The following DAB1 variants were observed in gnomAD, a reference collection of about 807,000 sequenced individuals.
DAB1 encodes disabled homolog 1.
DAB1 carries 15 observed loss-of-function variants against 64.6 expected under a neutral mutation model. The observed-to-expected ratio is 0.23, with a 90% confidence interval of 0.16 to 0.36. The LOEUF (loss-of-function observed/expected upper bound fraction) is 0.36, where lower values mean the gene tolerates loss of function less well. Among genes scored for constraint, DAB1 ranks in the 10% least tolerant of loss-of-function variants. DAB1 has a pLI of 1.00. For missense variants in DAB1, 596 were observed against 706.7 expected, an observed-to-expected ratio of 0.84 and a Z score of 1.78; for synonymous variants, 235 against 251.9, an observed-to-expected ratio of 0.93 and a Z score of 0.64.
At chr1:57,612,786 C>A (rs1645744028) in intron 7 of DAB1, among the ~76,000 whole-genome samples, 1 of 152,076 alleles carries the variant, frequency 6.6e-6, no homozygotes, top group Non-Finnish European at 1.5e-5. Flanking sequence ...ATGAATCCAT[C>A]CCCACCCCCC....
At chr1:57,555,153 G>T (rs546198264) in intron 7 of DAB1, among the ~76,000 whole-genome samples, 81 of 143,890 alleles carry the variant, frequency 5.6e-4, no homozygotes, top group African/African-American at 2.1e-3. Context: ...TCCTCTCTCA[G>T]CCTCCCAAGT....
chr1:58,073,809 A>G (rs1429919599), intron 5 of DAB1, among the ~76,000 whole-genome samples: 3 of 152,302 alleles, frequency 2.0e-5, no homozygotes, highest in African/African-American at 7.2e-5. Flanking sequence ...CAGTGTGTGC[A>G]ATTAACTTAC....
chr1:57,161,202 G>A (rs891680998), intron 2 of DAB1, among the ~76,000 whole-genome samples: 1 of 152,172 alleles, frequency 6.6e-6, no homozygotes, highest in Non-Finnish European at 1.5e-5. Flanking sequence ...AAGCCAGAAA[G>A]TTCGTGCAAT....
At chr1:57,470,325 C>T (rs1370097721) in intron 7 of DAB1, among the ~76,000 whole-genome samples, 5 of 152,194 alleles carry the variant, frequency 3.3e-5, no homozygotes, top group Admixed American at 3.3e-4. Flanking sequence ...CTTTTCACCT[C>T]CAGAATTTTA....
intron 5 of DAB1, chr1:58,048,306 C>T (rs1468903938): frequency 1.7e-6 from 2 of 1,211,536 alleles, no homozygotes; most frequent in Non-Finnish European, 2.4e-6. Flanking sequence ...AAATCTCCCC[C>T]CTTCATGGGT....
intron 3 of DAB1, among the ~76,000 whole-genome samples, chr1:58,470,600 A>G (rs1453603766): frequency 6.6e-6 from 1 of 152,178 alleles, no homozygotes; most frequent in Non-Finnish European, 1.5e-5. Context: ...GCACTGTCTC[A>G]TCACCAAACT....
At chr1:58,118,503 T>TATATATATACATACACACAC (rs1341446315) in intron 5 of DAB1, among the ~76,000 whole-genome samples, 1 of 53,126 alleles carries the variant, frequency 1.9e-5, no homozygotes, top group African/African-American at 1.0e-4. Context: ...TATATATATA[T>TATATATATACATACACACAC]ACACACACAC....
chr1:57,466,547 A>G (rs1229532103), intron 7 of DAB1, among the ~76,000 whole-genome samples: 3 of 152,220 alleles, frequency 2.0e-5, no homozygotes, highest in African/African-American at 7.2e-5. Context: ...AAATTATCAC[A>G]AATTCACCAG....
At chr1:57,004,865 A>G (rs1029274352) in intron 14 of DAB1, among the ~76,000 whole-genome samples, 1 of 150,950 alleles carries the variant, frequency 6.6e-6, no homozygotes, top group African/African-American at 2.5e-5. Context: ...TCTGCACCCC[A>G]GTTCCTTCAT....
chr1:58,197,746 A>G (rs1274892686), intron 4 of DAB1, among the ~76,000 whole-genome samples: 1 of 151,426 alleles, frequency 6.6e-6, no homozygotes, highest in Non-Finnish European at 1.5e-5. Context: ...CATACAAGAA[A>G]AGCATGATCA....
At chr1:57,196,380 ATC>A (rs1287818658) in intron 2 of DAB1, among the ~76,000 whole-genome samples, 1 of 152,158 alleles carries the variant, frequency 6.6e-6, no homozygotes, top group Non-Finnish European at 1.5e-5. Flanking sequence ...TTCTTGGCAA[ATC>A]TCTCTTTTCT....
intron 6 of DAB1, among the ~76,000 whole-genome samples, chr1:57,789,090 G>A (rs937810899): frequency 1.3e-5 from 2 of 152,120 alleles, no homozygotes; most frequent in Non-Finnish European, 2.9e-5. Flanking sequence ...GAAGGATTGA[G>A]AGCTTAGTGC....
intron 4 of DAB1, among the ~76,000 whole-genome samples, chr1:57,126,932 C>A (rs17115105): frequency 0.011 from 1,729 of 152,274 alleles, 29 homozygotes; most frequent in East Asian, 0.057. Context: ...CAGTCCCTTG[C>A]TTTCTATGAC....
At chr1:57,080,872 C>T (rs1469381222) in intron 4 of DAB1, among the ~76,000 whole-genome samples, 3 of 152,076 alleles carry the variant, frequency 2.0e-5, no homozygotes, top group Non-Finnish European at 4.4e-5. Context: ...CGTATAATCA[C>T]AGTTGGTAGC....
At chr1:58,304,279 C>G (rs965540559) in intron 4 of DAB1, among the ~76,000 whole-genome samples, 8 of 152,108 alleles carry the variant, frequency 5.3e-5, no homozygotes, top group Non-Finnish European at 1.0e-4. Context: ...CTGCTGGGAC[C>G]ATGGGAAACA....
At chr1:57,826,255 T>C (rs1652345165) in exon 2 of DAB1, 1 of 152,242 alleles carries the variant, frequency 6.6e-6, no homozygotes, top group Admixed American at 6.5e-5. Flanking sequence ...TTAGGAGATG[T>C]GATATATGTA....
At chr1:57,544,119 T>C (rs2101457741) in intron 7 of DAB1, among the ~76,000 whole-genome samples, 1 of 152,138 alleles carries the variant, frequency 6.6e-6, no homozygotes, top group African/African-American at 2.4e-5. Flanking sequence ...TCTCTAAAAA[T>C]AAAATAAAAA....
intron 3 of DAB1, chr1:58,480,944 T>G: frequency 1.2e-6 from 1 of 852,744 alleles, no homozygotes; most frequent in Non-Finnish European, 2.0e-6. Flanking sequence ...TTCATATATC[T>G]TGTGTCTCAT....
chr1:57,239,645 T>C (rs981735982), intron 2 of DAB1, among the ~76,000 whole-genome samples: 2 of 152,200 alleles, frequency 1.3e-5, no homozygotes, highest in Non-Finnish European at 1.5e-5. Flanking sequence ...GAGTTTCACC[T>C]GTTCTGTTTT....
Sources: allele counts gnomAD v4.1 joint callset (sites outside exome capture counted in the v4.1 genomes callset), GRCh38; gene constraint gnomAD v4.1.1; transcripts MANE v1.5; gene names NCBI Gene and HGNC (gene_info 2026-07-23, HGNC 2026-07-21).